The following NLK variants were observed in gnomAD, a reference collection of about 807,000 sequenced individuals.
NLK encodes the protein serine/threonine-protein kinase NLK.
A neutral mutation model predicts 59.0 loss-of-function variants in NLK; 11 were observed. The ratio of observed to expected loss-of-function variants is 0.19; its 90% CI spans 0.12 to 0.31. NLK has a LOEUF of 0.31. NLK is among the 10% of genes least tolerant of loss of function. The pLI is 1.00. For missense variants in NLK, 410 were observed against 661.1 expected (o/e 0.62, Z 4.16); for synonymous variants, 235 against 235.9 (o/e 1.00, Z 0.03).
intron 8 of NLK, among the ~76,000 whole-genome samples, chr17:28,189,425 C>T (rs945136080): frequency 3.3e-5 from 5 of 152,220 alleles, no homozygotes; most frequent in African/African-American, 1.2e-4. Flanking sequence ...GGAAGCATTT[C>T]TGTTTATAGC....
intron 1 of NLK, among the ~76,000 whole-genome samples, chr17:28,079,686 TTTG>T (rs1307348894): frequency 3.3e-5 from 5 of 152,168 alleles, no homozygotes; most frequent in Admixed American, 6.5e-5. Flanking sequence ...ATCAGGTTAT[TTTG>T]TTGTTGTTGA....
intron 4 of NLK, 132 bp from the exon 5 acceptor site, chr17:28,163,411 A>C (rs1908094554): frequency 1.7e-6 from 1 of 586,030 alleles, no homozygotes; most frequent in African/African-American, 1.9e-5. Flanking sequence ...ACTAGCTTTT[A>C]ATAATGTTCA....
At chr17:28,114,165 A>G (rs188094212) in intron 1 of NLK, among the ~76,000 whole-genome samples, 6 of 152,224 alleles carry the variant, frequency 3.9e-5, no homozygotes, top group Non-Finnish European at 1.5e-5. Context: ...TATTTAAGCT[A>G]TTTCCAGTTT....
At chr17:28,196,924 C>T (rs1328839595), downstream of NLK, among the ~76,000 whole-genome samples, 1 of 152,142 alleles carries the variant, frequency 6.6e-6, no homozygotes, top group Non-Finnish European at 1.5e-5. Context: ...TTGTAGGTGG[C>T]GTGTACTTCT....
At chr17:28,175,372 A>G (rs1908638743) in intron 7 of NLK, among the ~76,000 whole-genome samples, 1 of 151,210 alleles carries the variant, frequency 6.6e-6, no homozygotes, top group South Asian at 2.1e-4. Context: ...AATGGCATGA[A>G]CCCAGGAGGC....
At chr17:28,125,852 G>A (rs566991489) in intron 2 of NLK, among the ~76,000 whole-genome samples, 1 of 152,232 alleles carries the variant, frequency 6.6e-6, no homozygotes, top group African/African-American at 2.4e-5. Flanking sequence ...TCTGTGTCAG[G>A]AGATATGCTA....
intron 3 of NLK, among the ~76,000 whole-genome samples, chr17:28,134,217 G>A (rs1347343646): frequency 6.6e-6 from 1 of 152,228 alleles, no homozygotes; most frequent in Non-Finnish European, 1.5e-5. Flanking sequence ...GGGCAACATA[G>A]CAAGGCCTCG....
At chr17:28,123,108 A>C (rs1017970385) in intron 2 of NLK, among the ~76,000 whole-genome samples, 1 of 152,200 alleles carries the variant, frequency 6.6e-6, no homozygotes, top group Non-Finnish European at 1.5e-5. Context: ...CCATTTTATC[A>C]GCATTTTATT....
Position 28,195,514 on chromosome 17 carries a change from C to T in NLK, c.*878C>T, listed in dbSNP as rs1479574341. 6.6e-6 allele frequency: 1 copy of T among 151,946 alleles called. No homozygotes were observed. The highest frequency in any genetic ancestry group is 2.4e-5 in the African/African-American group (1 of 41,212). 9.4% of individuals were successfully genotyped at this position (151,946 alleles called of 1,614,324 possible). A position where few individuals can be genotyped will look rare whatever the true frequency, so the allele number is the denominator to read the frequency against. On this transcript the variant is annotated 3_prime_UTR_variant, in exon 11 of 11. Transcript: ENST00000407008. ...TCTGTGAAATTTTGTGAGACTTTTC[C>T]TGCACTGGACAGTAAAAAAATAATA...
At chr17:28,058,838 G>A (rs548476954) in intron 1 of NLK, among the ~76,000 whole-genome samples, 22 of 152,160 alleles carry the variant, frequency 1.4e-4, no homozygotes, top group South Asian at 4.1e-4. Flanking sequence ...GAAGAGTACC[G>A]TCAGCAGCCA....
intron 1 of NLK, among the ~76,000 whole-genome samples, chr17:28,082,286 C>T (rs571391965): frequency 6.6e-6 from 1 of 152,242 alleles, no homozygotes; most frequent in Non-Finnish European, 1.5e-5. Flanking sequence ...TTCTGACAGA[C>T]CTGGCCAAAG....
chr17:28,202,510 T>C, the NLK span, among the ~76,000 whole-genome samples: 1 of 151,774 alleles, frequency 6.6e-6, no homozygotes, highest in African/African-American at 2.4e-5. Context: ...GTTGAAGATT[T>C]TTACATCTGT....
chr17:28,201,958 G>A, the NLK span, among the ~76,000 whole-genome samples: 2 of 152,192 alleles, frequency 1.3e-5, no homozygotes, highest in Non-Finnish European at 2.9e-5. Context: ...AGAAGTTGCA[G>A]TGAGCCAAGA....
intron 1 of NLK, among the ~76,000 whole-genome samples, chr17:28,106,929 C>T (rs1905174015): frequency 6.6e-6 from 1 of 151,844 alleles, no homozygotes; most frequent in Non-Finnish European, 1.5e-5. Context: ...CCAAAAGGAC[C>T]TAAAAAAGAA....
chr17:28,140,237 T>C (rs1308823213), intron 3 of NLK, among the ~76,000 whole-genome samples: 1 of 152,102 alleles, frequency 6.6e-6, no homozygotes, highest in Non-Finnish European at 1.5e-5. Context: ...TCAGTTGACA[T>C]TGGGCCCCAA....
At chr17:28,159,003 A>T (rs1055754536) in intron 3 of NLK, among the ~76,000 whole-genome samples, 1 of 152,188 alleles carries the variant, frequency 6.6e-6, no homozygotes, top group Non-Finnish European at 1.5e-5. Flanking sequence ...ATAATGTCTG[A>T]CTGTAGTGTC....
intron 1 of NLK, among the ~76,000 whole-genome samples, chr17:28,055,419 C>T (rs1008218557): frequency 1.3e-5 from 2 of 151,756 alleles, no homozygotes; most frequent in African/African-American, 4.8e-5. Context: ...ATAGTGGTGC[C>T]TTGAACTCCT....
rs577113564 is a variant in NLK at position 28,090,466 on chromosome 17, A to G, written c.459-32137A>G. Among the ~76,000 whole-genome samples, 3 of 151,626 alleles carry G rather than the reference A, an allele frequency of 2.0e-5. No homozygotes were observed. In the South Asian group the frequency reaches 6.3e-4, roughly 32 times the overall value. On this transcript the variant is annotated intron_variant, in intron 1 of 10. Transcript: ENST00000407008. ...CAGTTTTTCATCTGTTAGTCATTTT[A>G]CTTCCTTTATGACTACTTATAGTGC...
rs561571369 is a variant in NLK at position 28,074,930 on chromosome 17, C to A, written c.458+31599C>A. 1.5e-4 allele frequency among the ~76,000 whole-genome samples: 23 copies of A among 152,326 alleles called. 1 individual carries two copies. The highest frequency in any genetic ancestry group is 2.8e-4 in the Non-Finnish European group (19 of 68,030). On this transcript the variant is annotated intron_variant, in intron 1 of 10. Coordinates refer to ENST00000407008, the MANE Select transcript of NLK (RefSeq NM_016231.5). ...GACACCAAGCTGGCTCATGATGAAACAAGCTGGCGTATTTCACTTGTAAAT... is the reference window on the plus strand; with the variant it reads ...GACACCAAGCTGGCTCATGATGAAAAAAGCTGGCGTATTTCACTTGTAAAT...
Sources: gnomAD v4.1 joint callset for allele counts (sites outside exome capture counted in the v4.1 genomes callset) on GRCh38, gnomAD v4.1.1 for gene constraint, MANE v1.5 for transcripts, NCBI Gene and HGNC (gene_info 2026-07-23, HGNC 2026-07-21) for gene names.